Variants in DOCK2 observed in about 807,000 individuals in gnomAD.
DOCK2 encodes the protein dedicator of cytokinesis protein 2.
In DOCK2, 87 loss-of-function variants were observed where a neutral mutation model predicts 248.9. That is an observed-to-expected ratio of 0.35 (90% CI 0.29 to 0.42). The LOEUF is 0.42. DOCK2 is among the 10% of genes least tolerant of loss of function. DOCK2 has a pLI of 1.00. For missense variants in DOCK2, 1,747 were observed against 2,300.2 expected (o/e 0.76, Z 4.92); for synonymous variants, 805 against 821.6 (o/e 0.98, Z 0.35).
intron 25 of DOCK2, among the ~76,000 whole-genome samples, chr5:169,778,356 G>GT (rs1182141371): frequency 3.3e-5 from 5 of 152,206 alleles, no homozygotes; most frequent in African/African-American, 1.2e-4. Context: ...GTGTTCAGTA[G>GT]TGAGTAGTAA....
intron 49 of DOCK2, 51 bp from the exon 50 acceptor site, chr5:170,080,112 C>G: frequency 1.9e-6 from 3 of 1,606,486 alleles, no homozygotes; most frequent in Non-Finnish European, 2.6e-6. Flanking sequence ...CTGCCTCATG[C>G]TAAGCCTCTG....
At chr5:169,797,650 A>G (rs957091351) in intron 25 of DOCK2, among the ~76,000 whole-genome samples, 1 of 151,986 alleles carries the variant, frequency 6.6e-6, no homozygotes, top group African/African-American at 2.4e-5. Context: ...TATAATTTGG[A>G]CTTGTCACTC....
intron 44 of DOCK2, 35 bp from the exon 45 acceptor site, chr5:170,067,475 A>C: frequency 1.2e-6 from 2 of 1,600,104 alleles, no homozygotes; most frequent in East Asian, 4.5e-5. Context: ...GACTTAACTA[A>C]GGCCCTTTCT....
At chr5:169,825,646 G>A (rs886409484) in intron 26 of DOCK2, among the ~76,000 whole-genome samples, 15 of 150,036 alleles carry the variant, frequency 1.0e-4, no homozygotes, top group African/African-American at 3.5e-4. Flanking sequence ...GGGAGAGATA[G>A]CATTAGGAGA....
rs745356556 is a variant in DOCK2, at chr5:170,027,963, C to T, written c.3467+15C>T. ...CTGGAGTCAATGTAAGTTCAGTGCCCTGTGTGTAGGAACAGCCTGTGAAGG... is the reference window on the plus strand; with the variant it reads ...CTGGAGTCAATGTAAGTTCAGTGCCTTGTGTGTAGGAACAGCCTGTGAAGG... On this transcript the variant is annotated intron_variant, in intron 34 of 51. Coordinates refer to ENST00000520908, the MANE Select transcript of DOCK2 (RefSeq NM_004946.3). The T allele has an allele frequency of 2.5e-6, 4 of 1,606,776 alleles. No individual in the cohort carries two copies. Among genetic ancestry groups the T allele is most frequent in the Non-Finnish European group, 3.4e-6 (4 of 1,175,882 alleles).
At chr5:169,932,875 T>A (rs1490327771) in intron 27 of DOCK2, among the ~76,000 whole-genome samples, 3 of 151,016 alleles carry the variant, frequency 2.0e-5, no homozygotes, top group Non-Finnish European at 3.0e-5. Flanking sequence ...TAAAAAAAAA[T>A]AACTACAAGA....
chr5:169,674,119 G>A lies in DOCK2; in HGVS notation c.322-178G>A, dbSNP rs144133708. On this transcript the variant is annotated intron_variant, in intron 5 of 51. Transcript: ENST00000520908. ...CTTTTGGGAAATCCCTGTGGTCCACGGGGAATAAATACATCAACGACTAGG... is the reference window on the plus strand; with the variant it reads ...CTTTTGGGAAATCCCTGTGGTCCACAGGGAATAAATACATCAACGACTAGG... 2.1e-3 allele frequency among the ~76,000 whole-genome samples: 320 copies of A among 152,274 alleles called. 4 individuals carry two copies. In the East Asian group the frequency reaches 0.029, roughly 14 times the overall value.
chr5:170,064,907 C>T (rs1034718388), intron 44 of DOCK2, among the ~76,000 whole-genome samples: 12 of 151,540 alleles, frequency 7.9e-5, no homozygotes, highest in Non-Finnish European at 1.3e-4. Flanking sequence ...TAGTTAGTAA[C>T]GTGAAAATAT....
At chr5:169,971,039 A>T (rs1251799798) in intron 27 of DOCK2, among the ~76,000 whole-genome samples, 1 of 152,138 alleles carries the variant, frequency 6.6e-6, no homozygotes, top group Non-Finnish European at 1.5e-5. Context: ...TGTCACCTTT[A>T]TTAATGATGA....
chr5:169,740,604 G>T (rs1193821712), intron 22 of DOCK2, among the ~76,000 whole-genome samples: 1 of 152,170 alleles, frequency 6.6e-6, no homozygotes, highest in African/African-American at 2.4e-5. Context: ...TCTGCACCCC[G>T]CCTGTTGGCT....
intron 27 of DOCK2, among the ~76,000 whole-genome samples, chr5:169,873,380 G>GT (rs1160517620): frequency 6.6e-6 from 1 of 152,178 alleles, no homozygotes; most frequent in African/African-American, 2.4e-5. Flanking sequence ...GCTATTGGTT[G>GT]TTTTGGAGAT....
intron 23 of DOCK2, among the ~76,000 whole-genome samples, chr5:169,751,343 A>G (rs969535174): frequency 6.6e-6 from 1 of 152,244 alleles, no homozygotes; most frequent in East Asian, 1.9e-4. Flanking sequence ...ACAAGAAGTG[A>G]CTGTATGAAA....
chr5:170,079,071 G>A lies in DOCK2; in HGVS notation c.5091G>A (p.Arg1697=). Residue 1697 remains arginine (R), a synonymous_variant, in exon 49 of 52, where the codon AGG becomes AGA. Coordinates refer to ENST00000520908, the MANE Select transcript of DOCK2 (RefSeq NM_004946.3). ...GSTLPEVKLR[R]SKKRTKRSSV... The stretch of plus-strand genomic sequence containing the variant: ...CCCTGCCTGAGGTCAAGCTGCGGAG[G>A]TCCAAGAAGAGGACAAAGAGAAGCA... 1 of 1,614,182 alleles carries A rather than the reference G, an allele frequency of 6.2e-7. No individual in the cohort carries two copies.
chr5:170,062,104 TG>T (rs1757349843), intron 44 of DOCK2, among the ~76,000 whole-genome samples: 1 of 89,034 alleles, frequency 1.1e-5, no homozygotes, highest in African/African-American at 5.6e-5. Flanking sequence ...TATATGAGTG[TG>T]TGTGTGTGTG....
chr5:169,872,759 A>G lies in DOCK2; in HGVS notation c.2799+31907A>G, dbSNP rs1340114890. 3.3e-5 allele frequency among the ~76,000 whole-genome samples: 5 copies of G among 152,218 alleles called. No homozygotes were observed. The East Asian group carries it at 7.7e-4, about 23-fold the overall frequency. On this transcript the variant is annotated intron_variant, in intron 27 of 51. Transcript: ENST00000520908. The stretch of plus-strand genomic sequence containing the variant: ...GTCACAAGGAAAGAGGGGAAGGGAC[A>G]GGAAAGTCTTCTGAAAGTAGGACCT...
At chr5:169,832,090 A>T (rs1183776545) in intron 26 of DOCK2, among the ~76,000 whole-genome samples, 3 of 152,214 alleles carry the variant, frequency 2.0e-5, no homozygotes, top group Admixed American at 2.0e-4. Context: ...CCATCTGTGA[A>T]TGGAACATTC....
Position 169,894,706 on chromosome 5 carries a change from T to G in DOCK2, c.2799+53854T>G, listed in dbSNP as rs367893562. Among the ~76,000 whole-genome samples the G allele has an allele frequency of 2.6e-5, 4 of 152,330 alleles. No homozygotes were observed. The East Asian group carries it at 5.8e-4, about 22-fold the overall frequency. On this transcript the variant is annotated intron_variant, in intron 27 of 51. Coordinates refer to ENST00000520908, the MANE Select transcript of DOCK2 (RefSeq NM_004946.3). ...TGAGTAAACAGCGTGCCCAGCAGCATGTGCAACACACAGTAGGTGCTCAGT... is the reference window on the plus strand; with the variant it reads ...TGAGTAAACAGCGTGCCCAGCAGCAGGTGCAACACACAGTAGGTGCTCAGT...
intron 8 of DOCK2, among the ~76,000 whole-genome samples, chr5:169,686,142 C>T (rs1759965021): frequency 6.6e-6 from 1 of 152,194 alleles, no homozygotes; most frequent in Non-Finnish European, 1.5e-5. Flanking sequence ...GGGCCCCTTG[C>T]TGTTCCCTGT....
At chr5:169,739,562 C>G (rs1763205898) in intron 22 of DOCK2, among the ~76,000 whole-genome samples, 1 of 152,008 alleles carries the variant, frequency 6.6e-6, no homozygotes, top group East Asian at 1.9e-4. Context: ...ATACCTAATC[C>G]CCTTTTCCAA....
Sources: gnomAD v4.1 joint callset for allele counts (sites outside exome capture counted in the v4.1 genomes callset) on GRCh38, gnomAD v4.1.1 for gene constraint, MANE v1.5 for transcripts, NCBI Gene and HGNC (gene_info 2026-07-23, HGNC 2026-07-21) for gene names.